The following IMMP2L variants were observed in gnomAD, a reference collection of about 807,000 sequenced individuals.
IMMP2L encodes inner mitochondrial membrane peptidase subunit 2, also known as mitochondrial inner membrane protease subunit 2.
A neutral mutation model predicts 19.3 loss-of-function variants in IMMP2L; 18 were observed. The observed-to-expected ratio is 0.93, with a 90% confidence interval of 0.64 to 1.38. The LOEUF (loss-of-function observed/expected upper bound fraction) is 1.38, where lower values mean the gene tolerates loss of function less well. Ranked by LOEUF, IMMP2L falls within the 40% of genes most tolerant of loss-of-function variation. The pLI is 0.00. For missense variants in IMMP2L, 233 were observed against 218.2 expected, an observed-to-expected ratio of 1.07 and a Z score of -0.43; for synonymous variants, 76 against 73.0, an observed-to-expected ratio of 1.04 and a Z score of -0.21.
intron 3 of IMMP2L, among the ~76,000 whole-genome samples, chr7:111,388,157 C>T (rs1361559285): frequency 6.6e-6 from 1 of 151,852 alleles, no homozygotes; most frequent in Non-Finnish European, 1.5e-5. Context: ...AGTATCTGGG[C>T]CAGTTACCCT....
chr7:111,554,561 A>C (rs971647747), intron 1 of IMMP2L, among the ~76,000 whole-genome samples: 5 of 152,038 alleles, frequency 3.3e-5, no homozygotes, highest in African/African-American at 4.8e-5. Context: ...CATCTATCTT[A>C]CCTTGAACTC....
In IMMP2L at chr7:110,728,230, G is replaced by T. The variant is rs1482652247; in HGVS notation, c.409-64509C>A. Among the ~76,000 whole-genome samples the T allele has an allele frequency of 3.9e-5, 6 of 152,172 alleles. No homozygotes were observed. Among genetic ancestry groups the T allele is most frequent in the African/African-American group, 1.4e-4 (6 of 41,440 alleles). ...AATCTTAAAGGCGACTGGGAGTGGT[G>T]GTTCACGCCTGTAATCCCAGCAGGT... On this transcript the variant is annotated intron_variant, in intron 5 of 5. Coordinates refer to ENST00000405709, the MANE Select transcript of IMMP2L (RefSeq NM_032549.4). This position sits in a 1 kb window ranked among gnomAD's most constrained non-coding sequence, Gnocchi z 4.6.
chr7:111,389,186 A>G (rs1313003163), intron 3 of IMMP2L, among the ~76,000 whole-genome samples: 1 of 152,176 alleles, frequency 6.6e-6, no homozygotes, highest in Non-Finnish European at 1.5e-5. Context: ...ATTCATAAGG[A>G]AACATCAGAT....
chr7:110,793,952 C>G (rs1440180626), intron 5 of IMMP2L, among the ~76,000 whole-genome samples: 1 of 151,964 alleles, frequency 6.6e-6, no homozygotes, highest in Non-Finnish European at 1.5e-5. Context: ...GAAATGAAAA[C>G]AAGTTACCAC....
intron 3 of IMMP2L, among the ~76,000 whole-genome samples, chr7:111,135,248 T>G (rs1450617721): frequency 6.6e-6 from 1 of 152,214 alleles, no homozygotes; most frequent in African/African-American, 2.4e-5. Context: ...TATAACACTC[T>G]ACTGATTACA....
chr7:111,461,230 CA>C (rs1840108542), intron 3 of IMMP2L, among the ~76,000 whole-genome samples: 1 of 151,972 alleles, frequency 6.6e-6, no homozygotes, highest in Non-Finnish European at 1.5e-5. Flanking sequence ...TACTATATAT[CA>C]AAAACAATAA....
chr7:111,267,807 T>C (rs553983480), intron 3 of IMMP2L, among the ~76,000 whole-genome samples: 1 of 152,262 alleles, frequency 6.6e-6, no homozygotes, highest in South Asian at 2.1e-4. Flanking sequence ...TATTCCAGGA[T>C]AGACCACAAA....
chr7:111,461,661 C>G (rs559165259), intron 3 of IMMP2L, among the ~76,000 whole-genome samples: 1 of 152,034 alleles, frequency 6.6e-6, no homozygotes, highest in Non-Finnish European at 1.5e-5. Flanking sequence ...TCACTTTATT[C>G]TGGAGACTGG....
chr7:111,505,379 C>A (rs1001466723), intron 2 of IMMP2L, among the ~76,000 whole-genome samples: 3 of 151,682 alleles, frequency 2.0e-5, no homozygotes, highest in African/African-American at 7.3e-5. Context: ...GTTGGTGGGA[C>A]TGTAAACTAG....
At chr7:111,220,985 G>C (rs1389208556) in intron 3 of IMMP2L, among the ~76,000 whole-genome samples, 1 of 152,056 alleles carries the variant, frequency 6.6e-6, no homozygotes, top group African/African-American at 2.4e-5. Flanking sequence ...TTTGCTTACT[G>C]AGTTCACCAT....
chr7:111,161,137 A>G (rs1441688436), intron 3 of IMMP2L, among the ~76,000 whole-genome samples: 5 of 151,936 alleles, frequency 3.3e-5, no homozygotes, highest in African/African-American at 1.2e-4. Flanking sequence ...TTTAAATGCA[A>G]GTTTTATCAG....
chr7:110,754,063 T>G (rs985053874), intron 5 of IMMP2L, among the ~76,000 whole-genome samples: 14 of 152,026 alleles, frequency 9.2e-5, no homozygotes. Flanking sequence ...ATTCTTCGAT[T>G]ATCATTTTTC....
intron 3 of IMMP2L, among the ~76,000 whole-genome samples, chr7:111,326,368 T>C (rs1316794054): frequency 1.3e-5 from 2 of 151,826 alleles, no homozygotes; most frequent in Admixed American, 6.6e-5. Flanking sequence ...AATTGAAATA[T>C]CTTTCCATCT....
chr7:111,030,526 A>C (rs1790650539), intron 3 of IMMP2L, among the ~76,000 whole-genome samples: 1 of 152,172 alleles, frequency 6.6e-6, no homozygotes, highest in African/African-American at 2.4e-5. Flanking sequence ...GAAGTCAGAG[A>C]AGATGCCAAT....
chr7:111,338,274 A>C (rs573739775), intron 3 of IMMP2L, among the ~76,000 whole-genome samples: 1 of 152,256 alleles, frequency 6.6e-6, no homozygotes, highest in African/African-American at 2.4e-5. Context: ...AATAGAAGCA[A>C]ACTGTGAAGG....
At position 111,255,725 on chromosome 7, in the gene IMMP2L, C is replaced by T. The variant is rs143640967; in HGVS notation, c.239+231513G>A. Among the ~76,000 whole-genome samples the T allele has an allele frequency of 5.3e-3, 800 of 152,134 alleles. 6 individuals carry two copies. Among genetic ancestry groups the T allele is most frequent in the Non-Finnish European group, 9.4e-3 (640 of 67,952 alleles). ...AGGGATAGATGAGTCAGGACTTGAACTGAGGTCTACTCTTTCCAAATCTCA... is the reference window on the plus strand; with the variant it reads ...AGGGATAGATGAGTCAGGACTTGAATTGAGGTCTACTCTTTCCAAATCTCA... On this transcript the variant is annotated intron_variant, in intron 3 of 5. Transcript: ENST00000405709.
Position 111,028,340 on chromosome 7 carries a change from T to C in IMMP2L, c.240-64775A>G, listed in dbSNP as rs1034558853. ...AGTGATAAACAGCAAATACTGTATA[T>C]TGTTTGGCATGAAACTTTTCCCTTG... is the stretch of plus-strand genomic sequence containing the variant. On this transcript the variant is annotated intron_variant, in intron 3 of 5. Transcript: ENST00000405709. Among the ~76,000 whole-genome samples the C allele has an allele frequency of 2.6e-5, 4 of 152,202 alleles. No homozygotes were observed. In the South Asian group the frequency reaches 8.3e-4, roughly 32 times the overall value.
At chr7:111,421,165 T>C (rs1422386456) in intron 3 of IMMP2L, among the ~76,000 whole-genome samples, 1 of 151,908 alleles carries the variant, frequency 6.6e-6, no homozygotes, top group Non-Finnish European at 1.5e-5. Context: ...CCAGTGATGA[T>C]GACCATTTTT....
chr7:111,163,514 T>C (rs113799882), intron 3 of IMMP2L, among the ~76,000 whole-genome samples: 1 of 152,244 alleles, frequency 6.6e-6, no homozygotes, highest in Non-Finnish European at 1.5e-5. Flanking sequence ...TAACTGTCAA[T>C]ATTCTGGAAG....
Sources: gnomAD v4.1 joint callset for allele counts (sites outside exome capture counted in the v4.1 genomes callset) on GRCh38, gnomAD v4.1.1 for gene constraint, Gnocchi (gnomAD v3.1) non-coding constraint, MANE v1.5 for transcripts, NCBI Gene and HGNC (gene_info 2026-07-23, HGNC 2026-07-21) for gene names.